ATP11C: variants seen among roughly 807,000 people sequenced by gnomAD.
ATP11C encodes phospholipid-transporting ATPase IG.
In ATP11C, 36 loss-of-function variants were observed where a neutral mutation model predicts 97.4. That is an observed-to-expected ratio of 0.37 (90% CI 0.28 to 0.49). The LOEUF (loss-of-function observed/expected upper bound fraction) is 0.49, where lower values mean the gene tolerates loss of function less well. Ranked by LOEUF, ATP11C falls within the 20% of genes least tolerant of loss-of-function variation. The pLI is 0.98. For synonymous variants in ATP11C, 275 were observed against 290.9 expected, an observed-to-expected ratio of 0.95 and a Z score of 0.56; for missense variants, 730 against 824.6, an observed-to-expected ratio of 0.89 and a Z score of 1.40.
At chrX:139,891,197 CAAAAAAAAAAA>C (rs35280856) in intron 1 of ATP11C, among the ~76,000 whole-genome samples, 7 of 35,491 alleles carry the variant, frequency 2.0e-4, no homozygotes, top group African/African-American at 3.4e-4. Context: ...AGAGATTGGC[CAAAAAAAAAAA>C]AAAAAAAAAA....
intron 1 of ATP11C, among the ~76,000 whole-genome samples, chrX:139,904,339 C>A (rs1013842079): frequency 4.6e-5 from 5 of 109,715 alleles, no homozygotes; most frequent in African/African-American, 1.7e-4. Flanking sequence ...ATCAGCCTGG[C>A]CAACATGGTG....
chrX:139,936,900 C>G (rs989559603), upstream of ATP11C, among the ~76,000 whole-genome samples: 26 of 110,485 alleles, frequency 2.4e-4, no homozygotes, highest in African/African-American at 8.6e-4. Flanking sequence ...CCATCTAATA[C>G]CAAAAAAAGA....
In ATP11C at chrX:139,866,343, C is replaced by CAAAAAA. The variant is rs57250412; in HGVS notation, c.28-39526_28-39521dup. 6.9e-4 allele frequency among the ~76,000 whole-genome samples: 19 copies of CAAAAAA among 27,539 alleles called. No individual in the cohort carries two copies. The East Asian group carries it at 0.014, about 20-fold the overall frequency. The allele number at this position is 27,539 out of a possible 115,157, so 23.9% of individuals were successfully genotyped here. On this transcript the variant is annotated intron_variant, in intron 1 of 29. Transcript: ENST00000682941. ...TGGGTGACAGAGAAAGACTCTGTCTCAAAAAAAAAAAAAAAAAAAAAAAAC... is the reference window on the plus strand; with the variant it reads ...TGGGTGACAGAGAAAGACTCTGTCTCAAAAAAAAAAAAAAAAAAAAAAAAAAAAAAC...
At chrX:139,925,275 T>C (rs1167555918) in intron 1 of ATP11C, among the ~76,000 whole-genome samples, 2 of 112,113 alleles carry the variant, frequency 1.8e-5, no homozygotes, top group Non-Finnish European at 3.8e-5. Flanking sequence ...TCTGTATTTA[T>C]AGTAAGCATA....
At chrX:139,835,248 A>G (rs989874368) in intron 1 of ATP11C, among the ~76,000 whole-genome samples, 2 of 112,072 alleles carry the variant, frequency 1.8e-5, no homozygotes, top group East Asian at 5.6e-4. Context: ...AAAGCTTAAT[A>G]AAGAGAGGCA....
intron 26 of ATP11C, among the ~76,000 whole-genome samples, chrX:139,742,995 C>T (rs887016772): frequency 6.6e-5 from 7 of 106,846 alleles, no homozygotes; most frequent in Non-Finnish European, 1.3e-4. Context: ...CTTGGTCTCC[C>T]AAAGTGCTGG....
At chrX:139,766,761 G>A (rs2082146751) in intron 20 of ATP11C, among the ~76,000 whole-genome samples, 1 of 111,846 alleles carries the variant, frequency 8.9e-6, no homozygotes, top group South Asian at 3.7e-4. Flanking sequence ...TGAAAAAGTA[G>A]GTAATGGAGA....
chrX:139,843,503 G>T (rs1327916446), intron 1 of ATP11C, among the ~76,000 whole-genome samples: 1 of 111,736 alleles, frequency 8.9e-6, no homozygotes, highest in Non-Finnish European at 1.9e-5. Flanking sequence ...CTTCTGATGG[G>T]TATATTTTTG....
At chrX:139,897,579 G>C (rs1002933375) in intron 1 of ATP11C, among the ~76,000 whole-genome samples, 3 of 108,961 alleles carry the variant, frequency 2.8e-5, no homozygotes, top group African/African-American at 1.0e-4. Flanking sequence ...GCTGAGGCAT[G>C]AGAATTACTT....
intron 12 of ATP11C, among the ~76,000 whole-genome samples, chrX:139,792,978 G>A (rs1000793631): frequency 2.7e-5 from 3 of 111,786 alleles, no homozygotes; most frequent in African/African-American, 9.8e-5. Flanking sequence ...CAGAAGTTCC[G>A]GAGGCCCAGA....
Position 139,893,359 on chromosome X carries a change from C to A in ATP11C, c.27+38657G>T, listed in dbSNP as rs181563583. On this transcript the variant is annotated intron_variant, in intron 1 of 29. Coordinates refer to ENST00000682941, the MANE Select transcript of ATP11C (RefSeq NM_001353812.2). ...ACAGGCATAAGCCACCAGGCCTGGT[C>A]AAAAATGCATATCTTAAAAAGCTCT... 4.9e-3 allele frequency among the ~76,000 whole-genome samples: 545 copies of A among 111,684 alleles called. 2 individuals carry two copies. Among genetic ancestry groups the A allele is most frequent in the African/African-American group, 0.017 (512 of 30,782 alleles).
rs988962095 is a variant in ATP11C at position 139,826,790 on chromosome X, T to C, written c.61A>G (p.Thr21Ala). Residue 21 changes from threonine (T) to alanine (A), a missense_variant, in exon 2 of 30, where the codon ACA becomes GCA. Transcript: ENST00000682941. ...ACTGGATGATTGCCAACAAACACTGTGCGTGTGCCAACTCGTTTCTCTTCT... is the reference window on the plus strand; with the variant it reads ...ACTGGATGATTGCCAACAAACACTGCGCGTGTGCCAACTCGTTTCTCTTCT... ...AGEEKRVGTRTVFVGNHPVSE... is the reference protein window; with the variant it reads ...AGEEKRVGTRAVFVGNHPVSE... The C allele has an allele frequency of 1.7e-6, 2 of 1,206,840 alleles. No individual in the cohort carries two copies. The highest frequency in any genetic ancestry group is 2.2e-6 in the Non-Finnish European group (2 of 893,250).
intron 13 of ATP11C, 113 bp from the exon 14 acceptor site, chrX:139,788,456 C>A: frequency 1.5e-6 from 1 of 674,902 alleles, no homozygotes; most frequent in Non-Finnish European, 2.3e-6. Flanking sequence ...TTCTAACAAA[C>A]TTAGTAGCAG....
intron 25 of ATP11C, 54 bp downstream of exon 25, chrX:139,745,666 GAA>G: frequency 8.7e-7 from 1 of 1,152,251 alleles, no homozygotes; most frequent in Non-Finnish European, 1.2e-6. Flanking sequence ...GCACCTATGG[GAA>G]AAAGACAAGC....
At chrX:139,766,748 A>G (rs1167448120) in intron 20 of ATP11C, among the ~76,000 whole-genome samples, 1 of 112,097 alleles carries the variant, frequency 8.9e-6, no homozygotes, top group Non-Finnish European at 1.9e-5. Flanking sequence ...GCATATATGG[A>G]AATGAAAAAG....
At chrX:139,788,987 G>A (rs866480840) in intron 13 of ATP11C, among the ~76,000 whole-genome samples, 2 of 111,159 alleles carry the variant, frequency 1.8e-5, no homozygotes, top group Non-Finnish European at 1.9e-5. Flanking sequence ...GATTACCTGA[G>A]GTCAGGAGTT....
At chrX:139,854,463 G>C (rs1173770303) in intron 1 of ATP11C, among the ~76,000 whole-genome samples, 1 of 111,857 alleles carries the variant, frequency 8.9e-6, no homozygotes, top group East Asian at 2.8e-4. Context: ...GGAAAAAAAA[G>C]GGGGGAGGAG....
intron 13 of ATP11C, 24 bp from the exon 14 acceptor site, chrX:139,788,367 G>T: frequency 8.6e-7 from 1 of 1,168,514 alleles, no homozygotes; most frequent in Non-Finnish European, 1.2e-6. Context: ...ACAAAATAAT[G>T]ATTATTATTT....
intron 28 of ATP11C, 177 bp downstream of exon 28, chrX:139,737,739 T>C (rs2081473682): frequency 3.7e-6 from 2 of 546,408 alleles, no homozygotes; most frequent in Admixed American, 4.9e-5. Context: ...ACCACCTGCA[T>C]TGGATAACGA....
Sources: gnomAD v4.1 joint callset for allele counts (sites outside exome capture counted in the v4.1 genomes callset) on GRCh38, gnomAD v4.1.1 for gene constraint, MANE v1.5 for transcripts, NCBI Gene and HGNC (gene_info 2026-07-23, HGNC 2026-07-21) for gene names.